Variants in CALN1 observed in about 807,000 individuals in gnomAD.
CALN1 encodes the protein calneuron 1, also known as calcium-binding protein 8.
Under a neutral mutation model 30.6 loss-of-function variants are expected in CALN1, and 17 were observed. The observed-to-expected ratio is 0.56, with a 90% CI of 0.38 to 0.83. The LOEUF (loss-of-function observed/expected upper bound fraction) is 0.83, where lower values mean the gene tolerates loss of function less well. Ranked by LOEUF, CALN1 falls within the 40% of genes least tolerant of loss-of-function variation. The pLI, the probability that CALN1 is intolerant of heterozygous loss-of-function variation, is 0.00. For synonymous variants in CALN1, 156 were observed against 131.4 expected, an observed-to-expected ratio of 1.19 and a Z score of -1.28; for missense variants, 291 against 354.9, an observed-to-expected ratio of 0.82 and a Z score of 1.45.
At chr7:72,328,116 T>TAA (rs74501253) in intron 2 of CALN1, among the ~76,000 whole-genome samples, 30,608 of 150,686 alleles carry the variant, frequency 0.2, 4,273 homozygotes, top group African/African-American at 0.38. Flanking sequence ...TTTCTTTTTT[T>TAA]AAAAAAAAAA....
intron 5 of CALN1, among the ~76,000 whole-genome samples, chr7:71,827,095 G>A (rs2116374229): frequency 6.6e-6 from 1 of 152,300 alleles, no homozygotes; most frequent in South Asian, 2.1e-4. Context: ...CACAGAGCCT[G>A]GGCTCTGTGG....
In CALN1 at chr7:72,273,501, C is replaced by CTT. The variant is rs773609513; in HGVS notation, c.244+5183_244+5184dup. On this transcript the variant is annotated intron_variant, in intron 3 of 6. Transcript: ENST00000395275. ...GGGATAAAGTGAAGAAGGCAAGATTCTTTTTTTTTTTTTTTTTTTCTTCCC... is the reference window on the plus strand; with the variant it reads ...GGGATAAAGTGAAGAAGGCAAGATTCTTTTTTTTTTTTTTTTTTTTTCTTCCC... Among the ~76,000 whole-genome samples the CTT allele has an allele frequency of 6.1e-3, 622 of 101,728 alleles. 7 individuals carry two copies. The highest frequency in any genetic ancestry group is 0.014 in the Middle Eastern group (2 of 144). The allele number at this position is 101,728 out of a possible 152,430, so 66.7% of individuals were successfully genotyped here. A position where few individuals can be genotyped will look rare whatever the true frequency, so the allele number is the denominator to read the frequency against.
chr7:72,490,133 C>T, the CALN1 span, among the ~76,000 whole-genome samples: 2 of 152,296 alleles, frequency 1.3e-5, no homozygotes, highest in East Asian at 1.9e-4. Flanking sequence ...TAGAGGAAGA[C>T]CTTCCACATT....
chr7:72,142,561 C>T (rs186789971), intron 3 of CALN1, among the ~76,000 whole-genome samples: 1 of 152,154 alleles, frequency 6.6e-6, no homozygotes, highest in African/African-American at 2.4e-5. Context: ...AGGGCATAGC[C>T]GAACAAAACG....
At chr7:72,286,635 G>C (rs1798096725) in intron 2 of CALN1, among the ~76,000 whole-genome samples, 1 of 152,198 alleles carries the variant, frequency 6.6e-6, no homozygotes, top group Non-Finnish European at 1.5e-5. Flanking sequence ...CTGGACATTT[G>C]GCTAAGCACT....
At chr7:72,370,951 G>A (rs1201077303) in intron 2 of CALN1, among the ~76,000 whole-genome samples, 8 of 151,296 alleles carry the variant, frequency 5.3e-5, no homozygotes, top group Non-Finnish European at 1.2e-4. Flanking sequence ...GAGAGGCTGA[G>A]GCATGAGAAT....
At chr7:71,976,200 A>C (rs953615138) in intron 5 of CALN1, among the ~76,000 whole-genome samples, 1 of 152,098 alleles carries the variant, frequency 6.6e-6, no homozygotes, top group Non-Finnish European at 1.5e-5. Context: ...TGTAAAACAC[A>C]TGGGGGTAGA....
intron 5 of CALN1, among the ~76,000 whole-genome samples, chr7:71,995,104 G>A (rs962099383): frequency 6.6e-5 from 10 of 152,040 alleles, no homozygotes; most frequent in East Asian, 1.9e-4. Flanking sequence ...CGCCTGCCTC[G>A]GCCTCCCAAA....
At chr7:71,889,966 GAAAA>G (rs66707559) in intron 5 of CALN1, among the ~76,000 whole-genome samples, 26 of 128,426 alleles carry the variant, frequency 2.0e-4, no homozygotes, top group Non-Finnish European at 5.1e-5. Flanking sequence ...CTCTGTCTCG[GAAAA>G]AAAAAAAAAA....
chr7:72,029,904 G>A (rs1801328009), intron 4 of CALN1, among the ~76,000 whole-genome samples: 1 of 152,210 alleles, frequency 6.6e-6, no homozygotes, highest in Admixed American at 6.5e-5. Flanking sequence ...GGGAACCTCT[G>A]ATTTATGGTC....
At chr7:72,412,857 AAAGG>A (rs1297109179), upstream of CALN1, among the ~76,000 whole-genome samples, 2 of 152,170 alleles carry the variant, frequency 1.3e-5, no homozygotes, top group African/African-American at 4.8e-5. Context: ...CCCACCTCCA[AAAGG>A]AAGCACCCAG....
chr7:72,322,914 A>T (rs1471616512), intron 2 of CALN1, among the ~76,000 whole-genome samples: 1 of 151,708 alleles, frequency 6.6e-6, no homozygotes, highest in Non-Finnish European at 1.5e-5. Context: ...TATCTCATGT[A>T]CCCTATAAAT....
At chr7:72,397,712 T>A (rs868863771) in intron 2 of CALN1, among the ~76,000 whole-genome samples, 1,524 of 70,268 alleles carry the variant, frequency 0.022, 8 homozygotes, top group African/African-American at 0.03. Flanking sequence ...ACCCATTCTC[T>A]CTCACACACA....
At chr7:72,044,437 C>T (rs1041741074) in intron 4 of CALN1, among the ~76,000 whole-genome samples, 9 of 152,014 alleles carry the variant, frequency 5.9e-5, no homozygotes, top group African/African-American at 2.2e-4. Context: ...TTTCCCATTC[C>T]AACTTCTCCT....
Position 72,109,817 on chromosome 7 carries a change from C to T in CALN1, c.245-3523G>A, listed in dbSNP as rs527894745. Among the ~76,000 whole-genome samples, 192 of 152,326 alleles carry T rather than the reference C, an allele frequency of 1.3e-3. 2 individuals carry two copies. The highest frequency in any genetic ancestry group is 0.012 in the South Asian group (58 of 4,834). On this transcript the variant is annotated intron_variant, in intron 3 of 6. Coordinates refer to ENST00000395275, the MANE Select transcript of CALN1 (RefSeq NM_031468.4). Reference sequence around the variant, plus strand: ...AGCCCATGAGGCAGCCAGCGCCAAGCGCCAGCTCTGCTCTGCAAGCTGGTG... The same window carrying T: ...AGCCCATGAGGCAGCCAGCGCCAAGTGCCAGCTCTGCTCTGCAAGCTGGTG...
intron 2 of CALN1, among the ~76,000 whole-genome samples, chr7:72,384,939 A>G (rs1284181085): frequency 6.6e-6 from 1 of 152,200 alleles, no homozygotes; most frequent in Non-Finnish European, 1.5e-5. Flanking sequence ...ATACTAAGAA[A>G]TCTTAAAACT....
intron 2 of CALN1, among the ~76,000 whole-genome samples, chr7:72,351,540 G>C (rs529783161): frequency 1.3e-5 from 2 of 152,134 alleles, no homozygotes; most frequent in Non-Finnish European, 2.9e-5. Context: ...AGTAAAACAT[G>C]TACGACAGCT....
chr7:72,267,030 TC>T (rs1312203188), intron 3 of CALN1, among the ~76,000 whole-genome samples: 1 of 152,186 alleles, frequency 6.6e-6, no homozygotes, highest in Non-Finnish European at 1.5e-5. Flanking sequence ...TGTGGCTCAT[TC>T]ATTGCGTAGG....
intron 5 of CALN1, among the ~76,000 whole-genome samples, chr7:71,944,146 G>A (rs967403928): frequency 2.0e-5 from 3 of 152,100 alleles, no homozygotes; most frequent in Non-Finnish European, 4.4e-5. Flanking sequence ...GGTTTTTGTA[G>A]TGTTAAACAA....
Sources: gnomAD v4.1 joint callset for allele counts (sites outside exome capture counted in the v4.1 genomes callset) on GRCh38, gnomAD v4.1.1 for gene constraint, MANE v1.5 for transcripts, NCBI Gene and HGNC (gene_info 2026-07-23, HGNC 2026-07-21) for gene names.